Variants in VILL observed in about 807,000 individuals in gnomAD.
VILL encodes the protein villin-like protein.
In VILL, 102 loss-of-function variants were observed where a neutral mutation model predicts 106.3. The ratio of observed to expected loss-of-function variants is 0.96; its 90% CI spans 0.82 to 1.13. The LOEUF is 1.13. VILL is among the 50% of genes most tolerant of loss of function. VILL has a pLI of 0.00. For synonymous variants in VILL, 431 were observed against 440.3 expected, an observed-to-expected ratio of 0.98 and a Z score of 0.27; for missense variants, 1,076 against 1,116.6, an observed-to-expected ratio of 0.96 and a Z score of 0.52.
intron 4 of VILL, 57 bp from the exon 5 acceptor site, chr3:37,995,682 C>T: frequency 7.1e-7 from 1 of 1,403,018 alleles, no homozygotes; most frequent in Middle Eastern, 1.8e-4. Flanking sequence ...ATGCACATGG[C>T]AGTCTGTGTT....
chr3:38,006,865 T>C, intron 19 of VILL, 77 bp from the exon 20 acceptor site: 1 of 1,511,554 alleles, frequency 6.6e-7, no homozygotes, highest in Admixed American at 1.8e-5. Context: ...CCTGGATGAC[T>C]GACACTACTG....
At chr3:37,994,052 G>A in intron 3 of VILL, 80 bp downstream of exon 3, 1 of 1,567,954 alleles carries the variant, frequency 6.4e-7, no homozygotes, top group East Asian at 2.2e-5. Flanking sequence ...CATAAACTCT[G>A]CCCTGGGAAG....
intron 5 of VILL, 125 bp downstream of exon 5, chr3:37,995,972 T>A: frequency 1.4e-6 from 1 of 717,380 alleles, no homozygotes; most frequent in Non-Finnish European, 2.4e-6. Flanking sequence ...TCCCAGATGG[T>A]CTTGAATGAG....
Position 38,005,664 on chromosome 3 carries a change from G to A in VILL, c.1951-128G>A, listed in dbSNP as rs1027511389. On this transcript the variant is annotated intron_variant, in intron 16 of 19. Coordinates refer to ENST00000383759, the MANE Select transcript of VILL (RefSeq NM_015873.4). ...GTGTGGGTACAGCCGCTTGCTGGGT[G>A]TGTCTGCTTGGCCAGGGATGTGTAT... The A allele has an allele frequency of 2.0e-5, 20 of 992,600 alleles. No individual in the cohort carries two copies. In the African/African-American group the frequency reaches 3.2e-4, roughly 16 times the overall value. The allele number at this position is 992,600 out of a possible 1,614,324, so 61.5% of individuals were successfully genotyped here.
rs781304213 is a variant in VILL, at chr3:37,998,088, A to C, written c.765-2A>C. The C allele has an allele frequency of 1.9e-6, 3 of 1,606,694 alleles. No homozygotes were observed. The highest frequency in any genetic ancestry group is 1.1e-5 in the South Asian group (1 of 89,900). On this transcript the variant is annotated splice_acceptor_variant, in intron 7 of 19. Transcript: ENST00000383759. LOFTEE classifies it high-confidence loss of function. This position sits in a 1 kb window ranked among gnomAD's most constrained non-coding sequence, Gnocchi z 4.1. ...GCCACTCCTGGGTTCCTGTCCCCCCAGTGTCTATGAGAAGGGCAAAGACCT... is the reference window on the plus strand; with the variant it reads ...GCCACTCCTGGGTTCCTGTCCCCCCCGTGTCTATGAGAAGGGCAAAGACCT...
At position 37,997,024 on chromosome 3, in the gene VILL, C is replaced by T; in HGVS notation, c.451-53C>T. 1 of 1,535,976 alleles carries T rather than the reference C, an allele frequency of 6.5e-7. No individual in the cohort carries two copies. Among genetic ancestry groups the T allele is most frequent in the Non-Finnish European group, 9.0e-7 (1 of 1,110,412 alleles). On this transcript the variant is annotated intron_variant, in intron 5 of 19. Coordinates refer to ENST00000383759, the MANE Select transcript of VILL (RefSeq NM_015873.4). This position sits in a 1 kb window ranked among gnomAD's most constrained non-coding sequence, Gnocchi z 4.7. ...CGTGACACATCCCAGCTATGCTCCC[C>T]TCTAGCGGATGCTGGTGGTATGACA...
In VILL at chr3:38,003,583, C is replaced by T; in HGVS notation, c.1805+270C>T. The stretch of plus-strand genomic sequence containing the variant: ...TCCCTGCATTGTCCTGGTCCTGGGC[C>T]AGGGGACAAAGCACCCTTCCCCACC... On this transcript the variant is annotated intron_variant, in intron 15 of 19. Coordinates refer to ENST00000383759, the MANE Select transcript of VILL (RefSeq NM_015873.4). 6.5e-6 allele frequency: 3 copies of T among 458,882 alleles called. No homozygotes were observed. The South Asian group carries it at 7.4e-5, about 11-fold the overall frequency. The allele number at this position is 458,882 out of a possible 1,614,324, so 28.4% of individuals were successfully genotyped here.
chr3:37,997,512 C>T lies in VILL; in HGVS notation c.591C>T (p.Asp197=), dbSNP rs371518135. 203 of 1,613,966 alleles carry T rather than the reference C, an allele frequency of 1.3e-4. No individual in the cohort carries two copies. Among genetic ancestry groups the T allele is most frequent in the Non-Finnish European group, 1.7e-4 (201 of 1,180,032 alleles). Residue 197 remains aspartate (D), a synonymous_variant, in exon 7 of 20, where the codon GAC becomes GAT. Transcript: ENST00000383759. This position sits in a 1 kb window ranked among gnomAD's most constrained non-coding sequence, Gnocchi z 4.7. ...RGLALTYSLR[D]RERGGGRAQI... is the part of the protein sequence containing the mutation. Reference sequence around the variant, plus strand: ...TGGCTTTGACCTACAGCCTCCGGGACAGGGAACGTGGTGGTGGTCGTGCAC... The same window carrying T: ...TGGCTTTGACCTACAGCCTCCGGGATAGGGAACGTGGTGGTGGTCGTGCAC...
chr3:37,993,394 A>C, intron 1 of VILL, 193 bp from the exon 2 acceptor site: 1 of 466,324 alleles, frequency 2.1e-6, no homozygotes. Context: ...ACTGCAGGCT[A>C]GGGTGGCAGA....
intron 14 of VILL, chr3:38,002,944 C>G: frequency 3.5e-6 from 2 of 575,458 alleles, no homozygotes; most frequent in Middle Eastern, 4.6e-4. Context: ...CCTCCTATCC[C>G]ATGCTCTGGA....
intron 1 of VILL, 177 bp from the exon 2 acceptor site, chr3:37,993,410 A>C: frequency 2.0e-6 from 1 of 510,584 alleles, no homozygotes; most frequent in Non-Finnish European, 3.5e-6. Flanking sequence ...GCAGAGCAAG[A>C]CCCTGTCTCG....
intron 3 of VILL, 104 bp from the exon 4 acceptor site, chr3:37,994,157 A>G (rs1484196376): frequency 4.1e-6 from 6 of 1,446,184 alleles, no homozygotes; most frequent in South Asian, 1.2e-5. Flanking sequence ...TCTCCGCGGA[A>G]GCCCCTGCCT....
intron 4 of VILL, 88 bp downstream of exon 4, chr3:37,994,554 C>A: frequency 2.7e-6 from 4 of 1,472,720 alleles, no homozygotes; most frequent in South Asian, 1.2e-5. Flanking sequence ...GTCCACATCC[C>A]TGAATGGGGC....
intron 1 of VILL, among the ~76,000 whole-genome samples, chr3:37,992,197 C>T (rs1167080601): frequency 6.6e-6 from 1 of 152,208 alleles, no homozygotes; most frequent in African/African-American, 2.4e-5. Flanking sequence ...CAGTTTCTGT[C>T]TGCACCTCTG....
At chr3:37,990,429 G>A (rs1699594967), upstream of VILL, among the ~76,000 whole-genome samples, 1 of 152,178 alleles carries the variant, frequency 6.6e-6, no homozygotes, top group Non-Finnish European at 1.5e-5. The surrounding 1 kb of genome is among the most constrained non-coding windows in gnomAD (Gnocchi z 5.1). Context: ...TGGCCCTCTT[G>A]GTCCAGGCGG....
chr3:38,001,308 G>T, intron 11 of VILL, 148 bp from the exon 12 acceptor site: 1 of 1,203,864 alleles, frequency 8.3e-7, no homozygotes. Flanking sequence ...ACAAGGCCCA[G>T]AATGGGCCTG....
In VILL at chr3:38,001,496, C is replaced by T; in HGVS notation, c.1223C>T (p.Pro408Leu). ...IQDLHRQPVD[P>L]KRHGQLCAGN... is the part of the protein sequence containing the mutation. ...GACTTACACAGGCAGCCCGTGGACC[C>T]CAAGCGTCATGGACAGCTGTGTGCA... The change falls in exon 12 of 20, where the codon CCC (proline) becomes CTC (leucine). Residue 408 changes from proline (P) to leucine (L), a missense_variant. Transcript: ENST00000383759. The T allele has an allele frequency of 6.2e-7, 1 of 1,614,218 alleles. No individual in the cohort carries two copies. The highest frequency in any genetic ancestry group is 8.5e-7 in the Non-Finnish European group (1 of 1,180,014).
chr3:38,001,855 T>G lies in VILL; in HGVS notation c.1474T>G (p.Phe492Val). The change falls in exon 13 of 20, where the codon TTC (phenylalanine) becomes GTC (valine). Residue 492 changes from phenylalanine (F) to valine (V), a missense_variant. By Grantham distance (50) the Phe-to-Val change is conservative. Transcript: ENST00000383759. ...CATCTTCCAGGGCCAGCTGGTGATC[T>G]TCCAGGTAGGTCTCACCTTGCCACT... is the stretch of plus-strand genomic sequence containing the variant. ...LAIFQGQLVI[F>V]QERAGHHGKG... 6.2e-7 allele frequency: 1 copy of G among 1,614,224 alleles called. No individual in the cohort carries two copies. The highest frequency in any genetic ancestry group is 1.1e-5 in the South Asian group (1 of 91,088).
chr3:38,006,551 C>T lies in VILL; in HGVS notation c.2308C>T (p.Leu770=). 1 of 1,614,192 alleles carries T rather than the reference C, an allele frequency of 6.2e-7. No homozygotes were observed. The highest frequency in any genetic ancestry group is 8.5e-7 in the Non-Finnish European group (1 of 1,180,026). ...KGSQDSSEND[L]VRSPKSAGSR... ...CTCCCAGGACAGCTCAGAGAATGAT[C>T]TGGTGCGAAGCCCCAAGTCGGCTGG... The change falls in exon 19 of 20, where the codon CTG becomes TTG. Residue 770 remains leucine (L), a synonymous_variant. Transcript: ENST00000383759.
Sources: gnomAD v4.1 joint callset for allele counts (sites outside exome capture counted in the v4.1 genomes callset) on GRCh38, gnomAD v4.1.1 for gene constraint, Gnocchi (gnomAD v3.1) non-coding constraint, MANE v1.5 for transcripts, NCBI Gene and HGNC (gene_info 2026-07-23, HGNC 2026-07-21) for gene names.